The following PRKCQ variants were observed in gnomAD, a reference collection of about 807,000 sequenced individuals.
PRKCQ encodes the protein protein kinase C theta, also known as protein kinase C theta type.
PRKCQ carries 41 observed loss-of-function variants against 91.2 expected under a neutral mutation model. That is an observed-to-expected ratio of 0.45 (90% CI 0.35 to 0.58). The LOEUF (loss-of-function observed/expected upper bound fraction) is 0.58. Among genes scored for constraint, PRKCQ ranks in the 20% least tolerant of loss-of-function variants. The pLI is 0.00. For synonymous variants in PRKCQ, 307 were observed against 316.9 expected (o/e 0.97, Z 0.33); for missense variants, 673 against 896.5 (o/e 0.75, Z 3.18).
the PRKCQ span, among the ~76,000 whole-genome samples, chr10:6,420,941 T>C: frequency 6.6e-6 from 1 of 152,154 alleles, no homozygotes; most frequent in African/African-American, 2.4e-5. Context: ...GTATTTCAGT[T>C]CTGGGGAGTT....
At chr10:6,501,404 T>C (rs1837904564) in intron 4 of PRKCQ, among the ~76,000 whole-genome samples, 1 of 152,004 alleles carries the variant, frequency 6.6e-6, no homozygotes, top group Non-Finnish European at 1.5e-5. Flanking sequence ...AGTTTATTGA[T>C]AGAGCAGGAC....
chr10:6,499,555 G>T (rs1201049906), intron 4 of PRKCQ, among the ~76,000 whole-genome samples: 1 of 152,062 alleles, frequency 6.6e-6, no homozygotes, highest in Non-Finnish European at 1.5e-5. Context: ...TAACAAAAAT[G>T]ATACACAAAT....
chr10:6,483,979 T>A (rs1321392958), intron 10 of PRKCQ, among the ~76,000 whole-genome samples: 1 of 152,134 alleles, frequency 6.6e-6, no homozygotes, highest in African/African-American at 2.4e-5. Flanking sequence ...AGGAAAAAAA[T>A]GATTTTCAAT....
At chr10:6,464,039 T>C (rs1306151274) in intron 13 of PRKCQ, among the ~76,000 whole-genome samples, 2 of 152,208 alleles carry the variant, frequency 1.3e-5, no homozygotes, top group Non-Finnish European at 2.9e-5. Flanking sequence ...AAAGGTTACA[T>C]ATTTGCTTCT....
chr10:6,528,947 C>T (rs1839291914), intron 1 of PRKCQ, among the ~76,000 whole-genome samples: 1 of 152,158 alleles, frequency 6.6e-6, no homozygotes, highest in African/African-American at 2.4e-5. Context: ...AATGATCTTT[C>T]TTTCTACTCC....
chr10:6,472,808 G>A (rs1836062872), intron 12 of PRKCQ, among the ~76,000 whole-genome samples: 1 of 152,124 alleles, frequency 6.6e-6, no homozygotes, highest in South Asian at 2.1e-4. Context: ...CGCCCCATGG[G>A]TTCAAGTGAT....
At chr10:6,401,046 C>G in the PRKCQ span, among the ~76,000 whole-genome samples, 1 of 152,118 alleles carries the variant, frequency 6.6e-6, no homozygotes, top group African/African-American at 2.4e-5. Flanking sequence ...CATGCCGTTG[C>G]AACTTCTGCT....
chr10:6,455,758 T>C (rs776970059), intron 15 of PRKCQ, among the ~76,000 whole-genome samples: 227 of 152,182 alleles, frequency 1.5e-3, no homozygotes, highest in Non-Finnish European at 2.5e-3. Flanking sequence ...GGCTTTGACA[T>C]TGTACTGCAG....
the PRKCQ span, among the ~76,000 whole-genome samples, chr10:6,421,691 C>T: frequency 6.6e-6 from 1 of 152,148 alleles, no homozygotes; most frequent in Admixed American, 6.5e-5. The surrounding 1 kb of genome is among the most constrained non-coding windows in gnomAD (Gnocchi z 4.1). Context: ...TTGTCATGTG[C>T]TATAAGAAAA....
intron 1 of PRKCQ, among the ~76,000 whole-genome samples, chr10:6,547,077 G>A (rs1302630128): frequency 6.6e-6 from 1 of 152,108 alleles, no homozygotes; most frequent in South Asian, 2.1e-4. Flanking sequence ...TCCCAGGGAT[G>A]AAGCCCACTT....
At chr10:6,425,171 G>C (rs1833085134), downstream of PRKCQ, among the ~76,000 whole-genome samples, 1 of 151,940 alleles carries the variant, frequency 6.6e-6, no homozygotes, top group Non-Finnish European at 1.5e-5. Context: ...GTCTCCACTG[G>C]TCAACCCTCT....
chr10:6,394,527 C>T, the PRKCQ span, among the ~76,000 whole-genome samples: 1 of 152,252 alleles, frequency 6.6e-6, no homozygotes, highest in Non-Finnish European at 1.5e-5. Flanking sequence ...CACTGAGCAG[C>T]ACCATTCCTT....
At chr10:6,509,668 C>T (rs923267547) in intron 3 of PRKCQ, among the ~76,000 whole-genome samples, 1 of 152,172 alleles carries the variant, frequency 6.6e-6, no homozygotes, top group African/African-American at 2.4e-5. Context: ...CTTGGCCTCC[C>T]AAAGTGCTGG....
chr10:6,409,398 G>A, the PRKCQ span, among the ~76,000 whole-genome samples: 2 of 152,120 alleles, frequency 1.3e-5, no homozygotes, highest in African/African-American at 2.4e-5. Context: ...AGGTTCAAGC[G>A]ACTCTTCTGC....
intron 16 of PRKCQ, among the ~76,000 whole-genome samples, chr10:6,433,377 G>C (rs1833513951): frequency 6.6e-6 from 1 of 152,176 alleles, no homozygotes; most frequent in Non-Finnish European, 1.5e-5. Context: ...AAGCTCTGGA[G>C]GCCGGGCACC....
At chr10:6,568,463 A>ATAT (rs1172085336) in intron 1 of PRKCQ, among the ~76,000 whole-genome samples, 2 of 150,428 alleles carry the variant, frequency 1.3e-5, no homozygotes, top group African/African-American at 4.9e-5. Context: ...GAATATTTTA[A>ATAT]TATTATCTTT....
the PRKCQ span, among the ~76,000 whole-genome samples, chr10:6,418,356 G>A: frequency 6.6e-6 from 1 of 152,338 alleles, no homozygotes; most frequent in South Asian, 2.1e-4. Flanking sequence ...ACACTGGGAA[G>A]AATCCGTGCT....
chr10:6,454,809 G>A (rs11258935), intron 15 of PRKCQ, among the ~76,000 whole-genome samples: 1,532 of 152,224 alleles, frequency 0.01, 27 homozygotes, highest in African/African-American at 0.035. Context: ...GTTGCTCGTG[G>A]AGGATGTAGA....
At chr10:6,456,605 G>A in intron 15 of PRKCQ, 69 bp downstream of exon 15, 1 of 1,553,008 alleles carries the variant, frequency 6.4e-7, no homozygotes, top group Non-Finnish European at 8.7e-7. Flanking sequence ...TGATTTTCAG[G>A]GGCTAAAGAA....
Sources: allele counts gnomAD v4.1 joint callset (sites outside exome capture counted in the v4.1 genomes callset), GRCh38; gene constraint gnomAD v4.1.1; non-coding constraint Gnocchi (gnomAD v3.1); transcripts MANE v1.5; gene names NCBI Gene and HGNC (gene_info 2026-07-23, HGNC 2026-07-21).